ABCC4: variants seen among roughly 807,000 people sequenced by gnomAD.
The protein encoded by ABCC4 is ATP binding cassette subfamily C member 4 (PEL blood group), also known as ATP-binding cassette sub-family C member 4.
In ABCC4, 102 loss-of-function variants were observed where a neutral mutation model predicts 168.5. The observed-to-expected ratio is 0.61, with a 90% confidence interval of 0.52 to 0.71. The LOEUF is 0.71. Ranked by LOEUF, ABCC4 falls within the 30% of genes least tolerant of loss-of-function variation. The pLI is 0.00. For synonymous variants in ABCC4, 617 were observed against 590.7 expected (o/e 1.04, Z -0.65); for missense variants, 1,402 against 1,605.8 (o/e 0.87, Z 2.17).
intron 11 of ABCC4, among the ~76,000 whole-genome samples, chr13:95,179,528 T>A (rs1320132341): frequency 1.3e-5 from 2 of 152,196 alleles, no homozygotes; most frequent in African/African-American, 4.8e-5. Context: ...AATACTTTTT[T>A]TAAAAAACAT....
At chr13:95,056,471 A>C (rs1474658955) in intron 26 of ABCC4, among the ~76,000 whole-genome samples, 2 of 152,198 alleles carry the variant, frequency 1.3e-5, no homozygotes, top group African/African-American at 2.4e-5. Context: ...AGTCGTGTAA[A>C]GTCTTCTTTA....
intron 27 of ABCC4, among the ~76,000 whole-genome samples, chr13:95,050,556 T>C (rs2139258425): frequency 1.3e-5 from 2 of 152,332 alleles, no homozygotes; most frequent in Admixed American, 6.5e-5. Flanking sequence ...TAAAAACAGC[T>C]GGAATCACAC....
chr13:95,082,314 A>G (rs1432927633), intron 21 of ABCC4, among the ~76,000 whole-genome samples: 1 of 152,236 alleles, frequency 6.6e-6, no homozygotes, highest in Non-Finnish European at 1.5e-5. Context: ...GTGCATGCAT[A>G]ATGAGATGAA....
intron 20 of ABCC4, among the ~76,000 whole-genome samples, chr13:95,091,340 G>A (rs950905367): frequency 6.6e-6 from 1 of 152,072 alleles, no homozygotes; most frequent in Non-Finnish European, 1.5e-5. Context: ...TAGGTGCACT[G>A]TCATCAGGTT....
chr13:95,079,897 C>T (rs1239999039), intron 21 of ABCC4, among the ~76,000 whole-genome samples: 1 of 152,168 alleles, frequency 6.6e-6, no homozygotes, highest in East Asian at 1.9e-4. Flanking sequence ...GTAAGCCATG[C>T]AAGTGGTAGA....
intron 4 of ABCC4, among the ~76,000 whole-genome samples, chr13:95,222,378 C>T (rs749068781): frequency 6.6e-6 from 1 of 152,212 alleles, no homozygotes; most frequent in Non-Finnish European, 1.5e-5. Flanking sequence ...CACCACTTTC[C>T]GACTGTGGCA....
chr13:95,046,605 T>C (rs564117642), intron 27 of ABCC4, among the ~76,000 whole-genome samples: 10 of 151,938 alleles, frequency 6.6e-5, no homozygotes, highest in Admixed American at 5.9e-4. Context: ...TCTCTACTAA[T>C]AATACAAAAA....
chr13:95,172,718 C>T (rs897185517), intron 13 of ABCC4, among the ~76,000 whole-genome samples: 6 of 151,936 alleles, frequency 3.9e-5, no homozygotes, highest in African/African-American at 1.5e-4. Context: ...ATCTTTTGAA[C>T]CCAGGAGTTA....
chr13:95,131,281 A>G (rs781418571), intron 19 of ABCC4, among the ~76,000 whole-genome samples: 28 of 152,244 alleles, frequency 1.8e-4, no homozygotes, highest in Non-Finnish European at 3.7e-4. Flanking sequence ...ACAAGAGGGG[A>G]CGCACAACAA....
chr13:95,101,366 T>G (rs2034799755), intron 20 of ABCC4, among the ~76,000 whole-genome samples: 1 of 152,148 alleles, frequency 6.6e-6, no homozygotes, highest in Non-Finnish European at 1.5e-5. Context: ...TTTTTTTTTT[T>G]TTTAGATGAG....
chr13:95,269,324 G>C, intron 1 of ABCC4: 2 of 455,668 alleles, frequency 4.4e-6, no homozygotes, highest in South Asian at 1.5e-5. Context: ...TAGTCTGGTG[G>C]CTGAGGCAGG....
chr13:95,300,654 G>C (rs2041651586), intron 1 of ABCC4, among the ~76,000 whole-genome samples: 1 of 152,148 alleles, frequency 6.6e-6, no homozygotes, highest in Non-Finnish European at 1.5e-5. Context: ...GGGACGTGGA[G>C]TTGGATCGAG....
At chr13:95,106,355 G>GTA (rs143146478) in intron 20 of ABCC4, among the ~76,000 whole-genome samples, 10,130 of 150,564 alleles carry the variant, frequency 0.067, 1,157 homozygotes, top group African/African-American at 0.23. Flanking sequence ...ATATGTGCGC[G>GTA]TATATATATA....
intron 9 of ABCC4, among the ~76,000 whole-genome samples, chr13:95,189,625 G>A (rs949619348): frequency 1.3e-5 from 2 of 152,136 alleles, no homozygotes; most frequent in African/African-American, 4.8e-5. Context: ...CCTCAGTTAT[G>A]CCCAGCCAGC....
chr13:95,147,884 T>A (rs373861906), intron 19 of ABCC4, among the ~76,000 whole-genome samples: 1 of 152,144 alleles, frequency 6.6e-6, no homozygotes, highest in African/African-American at 2.4e-5. Context: ...TGAGCTCTCA[T>A]TGTAAAACCA....
At chr13:95,142,618 T>C (rs751676538) in intron 19 of ABCC4, among the ~76,000 whole-genome samples, 6 of 151,558 alleles carry the variant, frequency 4.0e-5, no homozygotes, top group Non-Finnish European at 7.4e-5. Flanking sequence ...CAAAAGATCA[T>C]GAGTAAACCA....
intron 26 of ABCC4, among the ~76,000 whole-genome samples, chr13:95,057,692 C>T (rs2033117639): frequency 6.6e-6 from 1 of 152,152 alleles, no homozygotes. Context: ...GGACCCTGAA[C>T]CATAAATGAA....
At chr13:95,180,906 T>C (rs1594247499) in intron 11 of ABCC4, among the ~76,000 whole-genome samples, 1 of 152,198 alleles carries the variant, frequency 6.6e-6, no homozygotes, top group East Asian at 1.9e-4. Context: ...TACAACGACC[T>C]TGAGTGTTGT....
At chr13:95,110,700 C>T (rs1193961983) in intron 20 of ABCC4, among the ~76,000 whole-genome samples, 1 of 151,912 alleles carries the variant, frequency 6.6e-6, no homozygotes, top group Admixed American at 6.6e-5. Flanking sequence ...CAGCGCAGTG[C>T]CTCATGTCTG....
Sources: gnomAD v4.1 joint callset for allele counts (sites outside exome capture counted in the v4.1 genomes callset) on GRCh38, gnomAD v4.1.1 for gene constraint, MANE v1.5 for transcripts, NCBI Gene and HGNC (gene_info 2026-07-23, HGNC 2026-07-21) for gene names.